ARHGAP6: variants seen among roughly 807,000 people sequenced by gnomAD.
ARHGAP6 encodes the protein rho GTPase-activating protein 6.
In ARHGAP6, 16 loss-of-function variants were observed where a neutral mutation model predicts 55.7. The ratio of observed to expected loss-of-function variants is 0.29; its 90% confidence interval spans 0.19 to 0.44. The LOEUF is 0.44. ARHGAP6 is among the 20% of genes least tolerant of loss of function. ARHGAP6 has a pLI of 1.00. For synonymous variants in ARHGAP6, 382 were observed against 360.9 expected (o/e 1.06, Z -0.66); for missense variants, 698 against 808.9 (o/e 0.86, Z 1.66).
At chrX:11,567,566 A>AAAAAAAAAAAAAAAAAAAATATATAT (rs1440758737) in intron 1 of ARHGAP6, among the ~76,000 whole-genome samples, 1 of 84,411 alleles carries the variant, frequency 1.2e-5, no homozygotes, top group African/African-American at 4.7e-5. Flanking sequence ...AAAAAAAAAA[A>AAAAAAAAAAAAAAAAAAAATATATAT]ATATATATAT....
chrX:11,614,063 C>T (rs756492467), intron 1 of ARHGAP6, among the ~76,000 whole-genome samples: 1 of 111,102 alleles, frequency 9.0e-6, no homozygotes, highest in East Asian at 2.9e-4. Flanking sequence ...ACCCACTTCT[C>T]TATATGGCAA....
At chrX:11,629,139 T>C (rs965732864) in intron 1 of ARHGAP6, among the ~76,000 whole-genome samples, 1 of 111,750 alleles carries the variant, frequency 8.9e-6, no homozygotes, top group Non-Finnish European at 1.9e-5. Flanking sequence ...CCTGCCTACT[T>C]TCCTCCATCT....
chrX:11,570,859 T>C (rs944465784), intron 1 of ARHGAP6, among the ~76,000 whole-genome samples: 8 of 111,824 alleles, frequency 7.2e-5, no homozygotes, highest in African/African-American at 1.9e-4. Context: ...TGTGGTGGTA[T>C]TGGGAGGTAG....
At chrX:11,595,300 A>C (rs1383778617) in intron 1 of ARHGAP6, among the ~76,000 whole-genome samples, 1 of 109,822 alleles carries the variant, frequency 9.1e-6, no homozygotes, top group Non-Finnish European at 1.9e-5. Flanking sequence ...AAGAGAAAAA[A>C]AAAAAAAAAA....
intron 6 of ARHGAP6, 98 bp downstream of exon 6, chrX:11,181,965 A>T: frequency 8.9e-6 from 6 of 672,133 alleles, no homozygotes; most frequent in Admixed American, 2.9e-5. Context: ...AAAAAAAAAA[A>T]GATAATCAAA....
chrX:11,183,637 C>A (rs921603182), intron 5 of ARHGAP6, among the ~76,000 whole-genome samples: 1 of 111,717 alleles, frequency 9.0e-6, no homozygotes, highest in African/African-American at 3.3e-5. Context: ...CCTCTGTCTC[C>A]TTTTTCCTTA....
At chrX:11,557,045 A>C (rs982359743) in intron 1 of ARHGAP6, among the ~76,000 whole-genome samples, 3 of 112,414 alleles carry the variant, frequency 2.7e-5, no homozygotes, top group African/African-American at 9.7e-5. Flanking sequence ...AATAAAAAGG[A>C]AACATAAAGT....
chrX:11,627,059 A>C (rs2052307198), intron 1 of ARHGAP6, among the ~76,000 whole-genome samples: 1 of 111,506 alleles, frequency 9.0e-6, no homozygotes, highest in African/African-American at 3.2e-5. Context: ...CATACCATAC[A>C]AAAAAAATCA....
chrX:11,530,295 TC>T (rs1431990667), intron 1 of ARHGAP6, among the ~76,000 whole-genome samples: 1 of 111,962 alleles, frequency 8.9e-6, no homozygotes, highest in African/African-American at 3.2e-5. Context: ...AAACCATGGT[TC>T]CTACCTTTTT....
At chrX:11,619,694 A>C (rs1175334846) in intron 1 of ARHGAP6, among the ~76,000 whole-genome samples, 1 of 112,242 alleles carries the variant, frequency 8.9e-6, no homozygotes, top group Admixed American at 9.4e-5. Context: ...ACAGATGAGC[A>C]TATCAGCCTC....
At chrX:11,422,638 G>A (rs2049835573) in intron 1 of ARHGAP6, among the ~76,000 whole-genome samples, 1 of 112,445 alleles carries the variant, frequency 8.9e-6, no homozygotes, top group Admixed American at 9.4e-5. Context: ...AGAACCCAAT[G>A]AAGACTTTGT....
chrX:11,664,166 G>A, intron 1 of ARHGAP6, 75 bp downstream of exon 1: 2 of 974,193 alleles, frequency 2.1e-6, no homozygotes, highest in Non-Finnish European at 2.8e-6. Context: ...AAATGTAATG[G>A]AATTAAAGGC....
intron 1 of ARHGAP6, among the ~76,000 whole-genome samples, chrX:11,380,747 G>A (rs758651549): frequency 6.3e-5 from 7 of 111,888 alleles, no homozygotes; most frequent in Non-Finnish European, 1.3e-4. Context: ...ACTGACATCT[G>A]GACCAAGTAA....
intron 1 of ARHGAP6, among the ~76,000 whole-genome samples, chrX:11,422,164 G>C (rs1203933217): frequency 1.8e-5 from 2 of 111,209 alleles, no homozygotes. Flanking sequence ...GAAGTGGCTA[G>C]TGTGATATGA....
intron 9 of ARHGAP6, among the ~76,000 whole-genome samples, chrX:11,166,719 A>AT (rs2046022439): frequency 8.9e-6 from 1 of 112,239 alleles, no homozygotes; most frequent in Non-Finnish European, 1.9e-5. Flanking sequence ...GTGCTAGGGC[A>AT]TAGCACCATG....
chrX:11,475,910 T>A (rs2050399414), intron 1 of ARHGAP6, among the ~76,000 whole-genome samples: 1 of 109,623 alleles, frequency 9.1e-6, no homozygotes, highest in Admixed American at 9.8e-5. Flanking sequence ...ACAATAGGAA[T>A]GGGAAAAAAG....
rs184926147 is a variant in ARHGAP6, at chrX:11,605,513, A to G, written c.588+58728T>C. On this transcript the variant is annotated intron_variant, in intron 1 of 12. Transcript: ENST00000337414. Reference sequence around the variant, plus strand: ...CTAACTAGTCTGTGTTACTTGTACAAGAGCTCTCTGGATAGTCCCCCAAAT... The same window carrying G: ...CTAACTAGTCTGTGTTACTTGTACAGGAGCTCTCTGGATAGTCCCCCAAAT... Among the ~76,000 whole-genome samples the G allele has an allele frequency of 3.6e-5, 4 of 111,714 alleles. No homozygotes were observed. In the East Asian group the frequency reaches 1.1e-3, roughly 32 times the overall value.
At chrX:11,152,905 G>A (rs2045804105) in intron 10 of ARHGAP6, among the ~76,000 whole-genome samples, 1 of 111,682 alleles carries the variant, frequency 9.0e-6, no homozygotes, top group Non-Finnish European at 1.9e-5. Context: ...AAATGAACCA[G>A]AATCTCTGAG....
intron 1 of ARHGAP6, among the ~76,000 whole-genome samples, chrX:11,498,779 T>C (rs1283006602): frequency 8.9e-6 from 1 of 112,284 alleles, no homozygotes; most frequent in Non-Finnish European, 1.9e-5. Flanking sequence ...AATTCTCAAA[T>C]ACTTTTTTGT....
Sources: gnomAD v4.1 joint callset for allele counts (sites outside exome capture counted in the v4.1 genomes callset) on GRCh38, gnomAD v4.1.1 for gene constraint, MANE v1.5 for transcripts, NCBI Gene and HGNC (gene_info 2026-07-23, HGNC 2026-07-21) for gene names.